The following PABPC4 variants were observed in gnomAD, a reference collection of about 807,000 sequenced individuals.
PABPC4 encodes the protein poly(A) binding protein cytoplasmic 4.
Under a neutral mutation model 74.5 loss-of-function variants are expected in PABPC4, and 15 were observed. The observed-to-expected ratio is 0.20, with a 90% CI of 0.13 to 0.31. PABPC4 has a LOEUF of 0.31. Among genes scored for constraint, PABPC4 ranks in the 10% least tolerant of loss-of-function variants. The pLI is 1.00. For missense variants in PABPC4, 610 were observed against 853.5 expected (o/e 0.71, Z 3.55); for synonymous variants, 345 against 303.0 (o/e 1.14, Z -1.44).
At position 39,569,909 on chromosome 1, in the gene PABPC4, C is replaced by G. The variant is rs545275048; in HGVS notation, c.597G>C (p.Gly199=). 1.8e-5 allele frequency: 29 copies of G among 1,613,920 alleles called. No individual in the cohort carries two copies. Among genetic ancestry groups the G allele is most frequent in the Non-Finnish European group, 2.3e-5 (27 of 1,180,014 alleles). Residue 199 remains glycine (G), a synonymous_variant, in exon 4 of 16, where the codon GGG becomes GGC. Coordinates refer to ENST00000372858, the MANE Select transcript of PABPC4 (RefSeq NM_001135653.2). The stretch of plus-strand genomic sequence containing the variant: ...TCAGACTCTCATCATCCACCTCTTC[C>G]CCAAAGTTTTTGATATAAACATTGG... ...EFTNVYIKNF[G]EEVDDESLKE...
At position 39,572,492 on chromosome 1, in the gene PABPC4, A is replaced by G; in HGVS notation, c.288T>C (p.Ser96=). 1.9e-6 allele frequency: 3 copies of G among 1,613,942 alleles called. No individual in the cohort carries two copies. The highest frequency in any genetic ancestry group is 2.5e-6 in the Non-Finnish European group (3 of 1,179,804). The stretch of plus-strand genomic sequence containing the variant: ...TCTTGATGAAGACGTTTCCCACACC[A>G]GATTTTCTCAAAGAGGGATCCCTCT... ...WSQRDPSLRK[S]GVGNVFIKNL... is the part of the protein sequence containing the mutation. Residue 96 remains serine (S), a synonymous_variant, in exon 2 of 16, where the codon TCT becomes TCC. Transcript: ENST00000372858.
Position 39,575,920 on chromosome 1 carries a change from G to A in PABPC4, c.32C>T (p.Ala11Val), listed in dbSNP as rs918348788. 8 of 1,606,526 alleles carry A rather than the reference G, an allele frequency of 5.0e-6. No individual in the cohort carries two copies. Among genetic ancestry groups the A allele is most frequent in the South Asian group, 1.1e-5 (1 of 90,656 alleles). Residue 11 changes from alanine to valine, a missense_variant, in exon 1 of 16, where the codon GCC becomes GTC. This residue lies in a region of PABPC4 where 304 missense variants were observed against 478.9 expected (regional missense o/e 0.63). Coordinates refer to ENST00000372858, the MANE Select transcript of PABPC4 (RefSeq NM_001135653.2). ...ATGCAGGTCGCCCACGTACAGGGAG[G>A]CCATGGGGTAGCTGCTGGCCGCAGC... is the stretch of plus-strand genomic sequence containing the variant. Reference protein sequence around the residue: MNAAASSYPMASLYVGDLHSD... With the variant: MNAAASSYPMVSLYVGDLHSD...
intron 12 of PABPC4, chr1:39,563,341 C>T (rs1645789801): frequency 2.5e-6 from 1 of 399,730 alleles, no homozygotes; most frequent in Non-Finnish European, 4.5e-6. Flanking sequence ...GCTCAAACAG[C>T]TGAATGAGCA....
At chr1:39,572,198 G>A (rs1270450006) in intron 2 of PABPC4, among the ~76,000 whole-genome samples, 195 bp downstream of exon 2, 1 of 152,314 alleles carries the variant, frequency 6.6e-6, no homozygotes, top group East Asian at 1.9e-4. Flanking sequence ...TAAAGAACAA[G>A]GGTATGAAAG....
rs779900102 is a variant in PABPC4, at chr1:39,575,973, G to A, written c.-22C>T. On this transcript the variant is annotated 5_prime_UTR_variant, in exon 1 of 16. Transcript: ENST00000372858. ...TCATCTCCCCGCCCCCCACCACCCC[G>A]AGCCCCGCCAGGAGGACTTCTTATC... 3.1e-5 allele frequency: 38 copies of A among 1,217,590 alleles called. No homozygotes were observed. In the South Asian group the frequency reaches 5.1e-4, roughly 16 times the overall value. The allele number at this position is 1,217,590 out of a possible 1,614,324, so 75.4% of individuals were successfully genotyped here. A position where few individuals can be genotyped will look rare whatever the true frequency, so the allele number is the denominator to read the frequency against.
In PABPC4 at chr1:39,576,022, C is replaced by A; in HGVS notation, c.-71G>T. ...TCGGGCCCGCCGCAGGACAAAGGGG[C>A]GCCTTCGGAGCCCGGGCCCGCGCCG... On this transcript the variant is annotated 5_prime_UTR_variant, in exon 1 of 16. Transcript: ENST00000372858. The A allele has an allele frequency of 8.9e-7, 1 of 1,125,554 alleles. No individual in the cohort carries two copies. The highest frequency in any genetic ancestry group is 1.2e-6 in the Non-Finnish European group (1 of 842,874). The allele number at this position is 1,125,554 out of a possible 1,614,324, so 69.7% of individuals were successfully genotyped here. A position where few individuals can be genotyped will look rare whatever the true frequency, so the allele number is the denominator to read the frequency against.
Position 39,564,512 on chromosome 1 carries a change from T to G in PABPC4, c.1364A>C (p.Gln455Pro). Residue 455 changes from glutamine (Q) to proline (P), a missense_variant, in exon 10 of 16, where the codon CAG becomes CCG. Around this residue, in one of 4 missense-constraint regions of PABPC4, gnomAD observed 277 missense variants for 301.8 expected, o/e 0.92. Transcript: ENST00000372858. ...GFQGMPSAIR[Q>P]SGPRPTLRHL... ...GCGAAGAGTTGGACGAGGCCCAGAC[T>G]GGCGTATAGCACTTGGCATTCCTTG... is the stretch of plus-strand genomic sequence containing the variant. 6.2e-7 allele frequency: 1 copy of G among 1,614,226 alleles called. No homozygotes were observed. The highest frequency in any genetic ancestry group is 8.5e-7 in the Non-Finnish European group (1 of 1,180,038).
rs764734467 is a variant in PABPC4, at chr1:39,569,576, A to T, written c.738+19T>A. On this transcript the variant is annotated intron_variant, in intron 5 of 15. Coordinates refer to ENST00000372858, the MANE Select transcript of PABPC4 (RefSeq NM_001135653.2). The stretch of plus-strand genomic sequence containing the variant: ...GGCAACCTCTTAAAAGCTTTTCCCA[A>T]TCTTTGTGGTATACTCACCTTATTG... 1.6e-5 allele frequency: 26 copies of T among 1,598,610 alleles called. No homozygotes were observed. The highest frequency in any genetic ancestry group is 1.7e-4 in the Middle Eastern group (1 of 6,054).
chr1:39,563,910 G>A lies in PABPC4; in HGVS notation c.1466C>T (p.Pro489Leu). The change falls in exon 11 of 16, where the codon CCG becomes CTG. Residue 489 changes from proline (P) to leucine (L), a missense_variant. Coordinates refer to ENST00000372858, the MANE Select transcript of PABPC4 (RefSeq NM_001135653.2). Reference protein sequence around the residue: ...TTTQRVGSECPDRLAMDFGGA... With the variant: ...TTTQRVGSECLDRLAMDFGGA... ...ACCAAAGTCCATAGCCAAGCGGTCC[G>A]GGCACTCAGACCCTACAACAGACCA... 5.6e-6 allele frequency: 9 copies of A among 1,614,170 alleles called. No homozygotes were observed. The highest frequency in any genetic ancestry group is 7.6e-6 in the Non-Finnish European group (9 of 1,180,038).
At chr1:39,569,356 C>T (rs141814256) in intron 5 of PABPC4, 120 of 557,310 alleles carry the variant, frequency 2.2e-4, no homozygotes, top group African/African-American at 2.0e-3. Flanking sequence ...GCATAACAAA[C>T]GTCTGTCCTA....
At chr1:39,567,718 A>T in intron 7 of PABPC4, 33 bp downstream of exon 7, 1 of 1,024,538 alleles carries the variant, frequency 9.8e-7, no homozygotes, top group Non-Finnish European at 1.5e-6. Context: ...ATGGAATACC[A>T]CTGCTTTCAA....
chr1:39,576,247 T>A lies in PABPC4; in HGVS notation c.-296A>T, dbSNP rs1286319013. On this transcript the variant is annotated 5_prime_UTR_variant, in exon 1 of 16. Coordinates refer to ENST00000372858, the MANE Select transcript of PABPC4 (RefSeq NM_001135653.2). ...AGCTCCAAATTTCAAAAAATCAAAG[T>A]AGGAAAAAAATTAAACGGGGAATCC... is the stretch of plus-strand genomic sequence containing the variant. 6.3e-6 allele frequency: 2 copies of A among 318,624 alleles called. No individual in the cohort carries two copies. Among genetic ancestry groups the A allele is most frequent in the Non-Finnish European group, 1.1e-5 (2 of 175,184 alleles). 19.7% of individuals were successfully genotyped at this position (318,624 alleles called of 1,614,324 possible).
intron 1 of PABPC4, among the ~76,000 whole-genome samples, chr1:39,574,121 T>C (rs1190281332): frequency 1.3e-5 from 2 of 152,126 alleles, no homozygotes; most frequent in African/African-American, 4.8e-5. Context: ...GGAGAATTTA[T>C]TTTCACTCAT....
chr1:39,566,438 C>G (rs934691508), intron 7 of PABPC4, among the ~76,000 whole-genome samples: 1 of 152,206 alleles, frequency 6.6e-6, no homozygotes, highest in Non-Finnish European at 1.5e-5. Flanking sequence ...CCAAGAAATA[C>G]TCCAAACAGC....
In PABPC4 at chr1:39,569,740, G is replaced by A. The variant is rs889996901; in HGVS notation, c.644-51C>T. On this transcript the variant is annotated intron_variant, in intron 4 of 15. Transcript: ENST00000372858. ...GTAACACCATCTTGAGCACAGCTCA[G>A]GAACAGAAGGCTTCCCTCTGGAAAC... The A allele has an allele frequency of 2.5e-6, 4 of 1,570,376 alleles. No homozygotes were observed. The Admixed American group carries it at 6.7e-5, about 26-fold the overall frequency.
At chr1:39,572,319 TTC>T (rs1184791097) in intron 2 of PABPC4, 72 bp downstream of exon 2, 4 of 1,140,412 alleles carry the variant, frequency 3.5e-6, no homozygotes, top group Non-Finnish European at 5.1e-6. Context: ...TCCAAGATAG[TTC>T]TCTGTTTGGT....
chr1:39,565,122 A>G lies in PABPC4; in HGVS notation c.1229T>C (p.Val410Ala), dbSNP rs1557714739. 1 of 1,613,978 alleles carries G rather than the reference A, an allele frequency of 6.2e-7. No homozygotes were observed. Among genetic ancestry groups the G allele is most frequent in the Middle Eastern group, 1.7e-4 (1 of 5,922 alleles). The change falls in exon 8 of 16, where the codon GTG becomes GCG. Residue 410 changes from valine (V) to alanine (A), a missense_variant. By Grantham distance (64) the Val-to-Ala change is moderately conservative. Coordinates refer to ENST00000372858, the MANE Select transcript of PABPC4 (RefSeq NM_001135653.2). ...CACACCCACCTGTGGGACTGCTGGC[A>G]CAAAGTAGCCACCCGCTGCAGGCTG... is the stretch of plus-strand genomic sequence containing the variant. ...QFQPAAGGYF[V>A]PAVPQAQGRP...
At chr1:39,562,454 A>G (rs1451778242) in intron 12 of PABPC4, 38 bp from the exon 13 acceptor site, 8 of 1,452,592 alleles carry the variant, frequency 5.5e-6, no homozygotes, top group Non-Finnish European at 7.7e-6. Flanking sequence ...GCACTGAGGA[A>G]AGGACAACAC....
chr1:39,561,527 A>G lies in PABPC4; in HGVS notation c.*13+158T>C, dbSNP rs1012443214. The G allele has an allele frequency of 3.9e-5, 24 of 616,248 alleles. No individual in the cohort carries two copies. The Admixed American group carries it at 5.9e-4, about 15-fold the overall frequency. 38.2% of individuals were successfully genotyped at this position (616,248 alleles called of 1,614,324 possible). On this transcript the variant is annotated intron_variant, in intron 15 of 15. Transcript: ENST00000372858. Reference sequence around the variant, plus strand: ...GCAGACAAAGTCCACAGTCCTCATGATAAGAAGTCACCTGCAACACACTCC... The same window carrying G: ...GCAGACAAAGTCCACAGTCCTCATGGTAAGAAGTCACCTGCAACACACTCC...
Sources: gnomAD v4.1 joint callset for allele counts (sites outside exome capture counted in the v4.1 genomes callset) on GRCh38, gnomAD v4.1.1 for gene constraint, gnomAD v4.1.1 regional missense constraint, MANE v1.5 for transcripts, NCBI Gene and HGNC (gene_info 2026-07-23, HGNC 2026-07-21) for gene names.